The following HOOK3 variants were observed in gnomAD, a reference collection of about 807,000 sequenced individuals.
HOOK3 encodes hook microtubule tethering protein 3.
A neutral mutation model predicts 116.3 loss-of-function variants in HOOK3; 24 were observed. The observed-to-expected ratio is 0.21, with a 90% CI of 0.15 to 0.29. The LOEUF is 0.29. Ranked by LOEUF, HOOK3 falls within the 10% of genes least tolerant of loss-of-function variation. HOOK3 has a pLI of 1.00. For synonymous variants in HOOK3, 275 were observed against 283.0 expected (o/e 0.97, Z 0.28); for missense variants, 632 against 830.2 (o/e 0.76, Z 2.93).
In HOOK3 at chr8:43,002,257, T is replaced by G; in HGVS notation, c.1655+116T>G. On this transcript the variant is annotated intron_variant, in intron 17 of 21. Transcript: ENST00000307602. ...AGGTGGCCCTTGAAGAAATAGAAAA[T>G]TATAATACATATTATGAGAGTCTGA... 4.3e-6 allele frequency: 3 copies of G among 695,576 alleles called. No homozygotes were observed. In the South Asian group the frequency reaches 5.2e-5, roughly 12 times the overall value. The allele number at this position is 695,576 out of a possible 1,614,324, so 43.1% of individuals were successfully genotyped here.
intron 2 of HOOK3, among the ~76,000 whole-genome samples, chr8:42,913,354 T>G (rs549816295): frequency 2.6e-5 from 4 of 152,332 alleles, no homozygotes; most frequent in African/African-American, 9.6e-5. Context: ...TAATTTGCAT[T>G]TTCTAAATTT....
chr8:43,027,409 G>T lies in HOOK3; in HGVS notation c.*8911G>T. On this transcript the variant is annotated 3_prime_UTR_variant, in exon 22 of 22. Transcript: ENST00000307602. ...AGAGATTTGCTTATGAGAACATTCT[G>T]TCATTTGTTCTGTTTGTAGATGAGA... 5.0e-6 allele frequency: 1 copy of T among 200,042 alleles called. No individual in the cohort carries two copies. Among genetic ancestry groups the T allele is most frequent in the Non-Finnish European group, 8.9e-6 (1 of 112,164 alleles). The allele number at this position is 200,042 out of a possible 1,614,324, so 12.4% of individuals were successfully genotyped here. A position where few individuals can be genotyped will look rare whatever the true frequency, so the allele number is the denominator to read the frequency against.
rs199814595 is a variant in HOOK3 at position 42,937,323 on chromosome 8, TA to T, written c.268-5981del. 6.1e-5 allele frequency among the ~76,000 whole-genome samples: 9 copies of T among 148,342 alleles called. No individual in the cohort carries two copies. In the South Asian group the frequency reaches 1.0e-3, roughly 17 times the overall value. On this transcript the variant is annotated intron_variant, in intron 4 of 21. Transcript: ENST00000307602. ...CCAGTGGTCTATTTTGTTAATCTTT[TA>T]AAAAAAAACCAGCTCCTGGATTCAT...
intron 18 of HOOK3, among the ~76,000 whole-genome samples, chr8:43,008,651 ATTTTTATT>A (rs1809540581): frequency 6.8e-6 from 1 of 146,432 alleles, no homozygotes. Context: ...TTTTATTTTT[ATTTTTATT>A]TTTATTTTTT....
chr8:42,928,880 A>G (rs1461574444), intron 3 of HOOK3, among the ~76,000 whole-genome samples: 4 of 152,054 alleles, frequency 2.6e-5, no homozygotes, highest in African/African-American at 7.2e-5. Flanking sequence ...CGTCTCTACT[A>G]AAAATACAAA....
intron 8 of HOOK3, among the ~76,000 whole-genome samples, chr8:42,962,261 CTT>C (rs559919675): frequency 1.7e-4 from 20 of 117,796 alleles, no homozygotes; most frequent in Admixed American, 2.6e-4. Context: ...ATTTTCATTT[CTT>C]TTTTTTTTTT....
At chr8:43,014,933 T>TC (rs1280046433) in intron 21 of HOOK3, among the ~76,000 whole-genome samples, 3 of 151,796 alleles carry the variant, frequency 2.0e-5, no homozygotes, top group African/African-American at 7.3e-5. Flanking sequence ...TCACCTGAGG[T>TC]CAGGAATTTG....
intron 14 of HOOK3, 122 bp from the exon 15 acceptor site, chr8:42,986,533 T>A (rs1438402069): frequency 1.6e-6 from 1 of 628,710 alleles, no homozygotes; most frequent in Non-Finnish European, 2.5e-6. Context: ...GGTTCTTTAT[T>A]TTTCATTTCT....
At chr8:42,915,121 T>C (rs1807505911) in intron 2 of HOOK3, among the ~76,000 whole-genome samples, 1 of 152,228 alleles carries the variant, frequency 6.6e-6, no homozygotes, top group Non-Finnish European at 1.5e-5. Context: ...AGTCACTGGG[T>C]GGACTTTGCT....
chr8:42,927,350 G>A (rs1024284696), intron 3 of HOOK3, among the ~76,000 whole-genome samples: 13 of 144,338 alleles, frequency 9.0e-5, no homozygotes, highest in African/African-American at 1.3e-4. Context: ...TCCGCCTCCC[G>A]AGTTCAAAAG....
chr8:43,017,378 C>A (rs555226371), intron 21 of HOOK3, among the ~76,000 whole-genome samples: 3 of 152,286 alleles, frequency 2.0e-5, no homozygotes, highest in African/African-American at 7.2e-5. Flanking sequence ...GCGAGCCTCC[C>A]ACCTCAGCCT....
intron 1 of HOOK3, 189 bp downstream of exon 1, chr8:42,897,377 C>G (rs575469119): frequency 7.7e-6 from 3 of 389,056 alleles, no homozygotes; most frequent in Admixed American, 9.1e-5. Flanking sequence ...CGTCGCTGTT[C>G]CGGGCGGACC....
intron 10 of HOOK3, among the ~76,000 whole-genome samples, chr8:42,967,570 G>T (rs1469284629): frequency 6.6e-6 from 1 of 151,900 alleles, no homozygotes; most frequent in South Asian, 2.1e-4. Flanking sequence ...ATGCACACGC[G>T]CATTTAGGTC....
At chr8:43,012,662 T>C (rs1267414059) in intron 19 of HOOK3, among the ~76,000 whole-genome samples, 1 of 152,114 alleles carries the variant, frequency 6.6e-6, no homozygotes, top group Non-Finnish European at 1.5e-5. Flanking sequence ...CACAGTGACA[T>C]GATCTCAGCT....
At chr8:42,980,700 A>G (rs1454007971) in intron 13 of HOOK3, among the ~76,000 whole-genome samples, 1 of 152,062 alleles carries the variant, frequency 6.6e-6, no homozygotes, top group Non-Finnish European at 1.5e-5. Flanking sequence ...CCTGGCTGAC[A>G]TGGTGAAAAC....
chr8:42,976,030 GTA>G (rs1021994847), intron 13 of HOOK3, among the ~76,000 whole-genome samples: 11 of 143,478 alleles, frequency 7.7e-5, no homozygotes, highest in South Asian at 4.5e-4. Flanking sequence ...ATGTGTGTGT[GTA>G]TATATATATG....
chr8:42,917,629 A>T (rs905733174), intron 2 of HOOK3, among the ~76,000 whole-genome samples: 1 of 152,210 alleles, frequency 6.6e-6, no homozygotes, highest in African/African-American at 2.4e-5. Context: ...TTATTATAAC[A>T]CAACCACATG....
At chr8:43,002,250 T>C (rs900513288) in intron 17 of HOOK3, 109 bp downstream of exon 17, 3 of 738,628 alleles carry the variant, frequency 4.1e-6, no homozygotes, top group African/African-American at 1.8e-5. Context: ...CTTGAAGAAA[T>C]AGAAAATTAT....
Position 43,023,390 on chromosome 8 carries a change from CT to C in HOOK3, c.*4894del. ...CTTTGCTATCTCTCCTTCCTTCCTC[CT>C]TCCTTCCTTCCTTCCTTCCTTCCTT... On this transcript the variant is annotated 3_prime_UTR_variant, in exon 22 of 22. Coordinates refer to ENST00000307602, the MANE Select transcript of HOOK3 (RefSeq NM_032410.4). 7.5e-6 allele frequency: 1 copy of C among 133,382 alleles called. No homozygotes were observed. 8.3% of individuals were successfully genotyped at this position (133,382 alleles called of 1,614,324 possible). A position where few individuals can be genotyped will look rare whatever the true frequency, so the allele number is the denominator to read the frequency against.
Sources: allele counts gnomAD v4.1 joint callset (sites outside exome capture counted in the v4.1 genomes callset), GRCh38; gene constraint gnomAD v4.1.1; transcripts MANE v1.5; gene names NCBI Gene and HGNC (gene_info 2026-07-23, HGNC 2026-07-21).